Variants in PLCG2 observed in about 807,000 individuals in gnomAD.
PLCG2 encodes the protein phospholipase C gamma 2.
Under a neutral mutation model 175.6 loss-of-function variants are expected in PLCG2, and 69 were observed. That is an observed-to-expected ratio of 0.39 (90% CI 0.32 to 0.48). The LOEUF is 0.48. Ranked by LOEUF, PLCG2 falls within the 20% of genes least tolerant of loss-of-function variation. PLCG2 has a pLI of 0.91. For missense variants in PLCG2, 1,798 were observed against 1,650.9 expected, an observed-to-expected ratio of 1.09 and a Z score of -1.54; for synonymous variants, 827 against 624.0, an observed-to-expected ratio of 1.33 and a Z score of -4.85.
intron 1 of PLCG2, chr16:81,740,692 T>C (rs1909570673): frequency 8.6e-6 from 1 of 116,400 alleles, no homozygotes; most frequent in Non-Finnish European, 1.6e-5. Context: ...GCCAGTGCAC[T>C]CCAGCTTAGG....
chr16:81,834,273 C>T (rs898393288), intron 2 of PLCG2, among the ~76,000 whole-genome samples: 1 of 152,188 alleles, frequency 6.6e-6, no homozygotes, highest in African/African-American at 2.4e-5. Context: ...CTGGTTTGTT[C>T]TCTGTCCCAG....
Position 81,858,332 on chromosome 16 carries a change from C to A in PLCG2, c.407C>A (p.Ala136Glu). ...LKILHQEAMN[A>E]STPTIIESWL... ...ATCTTACACCAGGAAGCGATGAATG[C>A]GTCCACGCCCACCATTATCGAGAGG... Residue 136 changes from alanine (A) to glutamate (E), a missense_variant, in exon 4 of 33, where the codon GCG (alanine) becomes GAG (glutamate). Physicochemically the swap from Ala to Glu is moderately radical, Grantham distance 107 (BLOSUM62 -1). Coordinates refer to ENST00000564138, the MANE Select transcript of PLCG2 (RefSeq NM_002661.5). 3 of 1,613,192 alleles carry A rather than the reference C, an allele frequency of 1.9e-6. No individual in the cohort carries two copies. The highest frequency in any genetic ancestry group is 1.7e-5 in the Admixed American group (1 of 60,026).
intron 1 of PLCG2, among the ~76,000 whole-genome samples, chr16:81,745,083 G>A (rs764992051): frequency 6.6e-6 from 1 of 152,192 alleles, no homozygotes; most frequent in Non-Finnish European, 1.5e-5. Context: ...AGATGATTAA[G>A]TGCTGGTTGT....
chr16:81,784,368 C>T (rs191292581), intron 1 of PLCG2, among the ~76,000 whole-genome samples: 190 of 152,334 alleles, frequency 1.2e-3, no homozygotes, highest in African/African-American at 4.4e-3. Flanking sequence ...TTTTTGTCTT[C>T]CCAGCTGCCC....
At chr16:81,942,087 T>G (rs1023620840) in intron 30 of PLCG2, among the ~76,000 whole-genome samples, 2 of 152,154 alleles carry the variant, frequency 1.3e-5, no homozygotes, top group Non-Finnish European at 1.5e-5. Context: ...TGTAACAGAT[T>G]TCTTTTTATG....
intron 1 of PLCG2, among the ~76,000 whole-genome samples, chr16:81,743,857 T>C (rs912263256): frequency 7.2e-6 from 1 of 138,864 alleles, no homozygotes; most frequent in Non-Finnish European, 1.6e-5. Flanking sequence ...CTCCTTTTTT[T>C]TCTTTTTCTT....
intron 21 of PLCG2, among the ~76,000 whole-genome samples, chr16:81,921,783 G>A (rs1183733082): frequency 6.6e-6 from 1 of 152,186 alleles, no homozygotes; most frequent in Non-Finnish European, 1.5e-5. Context: ...TCTGTTTGGG[G>A]GCCATGTGGC....
chr16:81,891,718 T>C, intron 11 of PLCG2, 128 bp downstream of exon 11: 1 of 606,940 alleles, frequency 1.6e-6, no homozygotes, highest in Non-Finnish European at 3.0e-6. Flanking sequence ...CCGCATTCCT[T>C]GGACTAAAAT....
chr16:81,778,173 C>G (rs1319646184), upstream of PLCG2, among the ~76,000 whole-genome samples: 2 of 151,914 alleles, frequency 1.3e-5, no homozygotes, highest in African/African-American at 4.8e-5. Flanking sequence ...GTCAGGAGTT[C>G]AAGAACAGCC....
chr16:81,765,784 C>G (rs1215453875), intron 2 of PLCG2, among the ~76,000 whole-genome samples: 2 of 152,180 alleles, frequency 1.3e-5, no homozygotes, highest in African/African-American at 2.4e-5. Context: ...TCTGAATGGT[C>G]TGGATGGCTG....
chr16:81,842,852 A>C (rs1200698667), intron 2 of PLCG2: 1 of 151,968 alleles, frequency 6.6e-6, no homozygotes, highest in Admixed American at 6.6e-5. Context: ...AAAAGTCCGC[A>C]AGGCTGTGCC....
chr16:81,812,274 C>T (rs968196610), intron 2 of PLCG2, among the ~76,000 whole-genome samples: 20 of 152,156 alleles, frequency 1.3e-4, no homozygotes, highest in African/African-American at 4.8e-4. Flanking sequence ...TGGTCTTGAT[C>T]TCCTGACCTC....
At position 81,887,524 on chromosome 16, in the gene PLCG2, T is replaced by G. The variant is rs538064964; in HGVS notation, c.766-1648T>G. On this transcript the variant is annotated intron_variant, in intron 9 of 32. Coordinates refer to ENST00000564138, the MANE Select transcript of PLCG2 (RefSeq NM_002661.5). ...GCTTGTAGTTTCCCACCTTCCTAGC[T>G]GTTTTGGGCCCCTGATCCAGGCATA... Among the ~76,000 whole-genome samples, 8 of 152,334 alleles carry G rather than the reference T, an allele frequency of 5.3e-5. 1 individual carries two copies. In the South Asian group the frequency reaches 1.7e-3, roughly 32 times the overall value.
At chr16:81,806,247 T>A (rs1235025499) in intron 2 of PLCG2, among the ~76,000 whole-genome samples, 1 of 152,020 alleles carries the variant, frequency 6.6e-6, no homozygotes, top group Non-Finnish European at 1.5e-5. Flanking sequence ...TCTTTTGTCC[T>A]TTTGCATTAC....
chr16:81,874,593 A>C (rs1907675662), intron 7 of PLCG2, among the ~76,000 whole-genome samples: 1 of 152,042 alleles, frequency 6.6e-6, no homozygotes, highest in African/African-American at 2.4e-5. Context: ...ATTTGGGGGG[A>C]ATGAGGGCCT....
Position 81,786,041 on chromosome 16 carries a change from A to C in PLCG2, c.52A>C (p.Ile18Leu). ...CCTTGCGGAATATGAGAAGAGCCAG[A>C]TCAAGAGAGCCCTGGAGCTGGGGAC... is the stretch of plus-strand genomic sequence containing the variant. ...DSLAEYEKSQIKRALELGTVM... is the reference protein window; with the variant it reads ...DSLAEYEKSQLKRALELGTVM... Residue 18 changes from isoleucine to leucine, a missense_variant, in exon 2 of 33, where the codon ATC becomes CTC. By Grantham distance (5) the Ile-to-Leu change is conservative (BLOSUM62 2). Coordinates refer to ENST00000564138, the MANE Select transcript of PLCG2 (RefSeq NM_002661.5). The C allele has an allele frequency of 6.2e-7, 1 of 1,614,200 alleles. No individual in the cohort carries two copies. The highest frequency in any genetic ancestry group is 1.3e-5 in the African/African-American group (1 of 75,042).
At chr16:81,853,021 A>T (rs1721875955) in intron 2 of PLCG2, among the ~76,000 whole-genome samples, 1 of 152,170 alleles carries the variant, frequency 6.6e-6, no homozygotes, top group Non-Finnish European at 1.5e-5. Context: ...AATGGAAGGT[A>T]CCAGGCCTTC....
At chr16:81,791,287 C>T (rs1309264826) in intron 2 of PLCG2, among the ~76,000 whole-genome samples, 2 of 152,012 alleles carry the variant, frequency 1.3e-5, no homozygotes, top group African/African-American at 2.4e-5. Context: ...GGGGAGGGCT[C>T]ATTGTGGAGG....
chr16:81,827,271 C>T (rs1354306393), intron 2 of PLCG2, among the ~76,000 whole-genome samples: 2 of 151,662 alleles, frequency 1.3e-5, no homozygotes, highest in East Asian at 3.9e-4. Flanking sequence ...ACTGCAGCCT[C>T]AGCTTCCCAG....
Sources: allele counts gnomAD v4.1 joint callset (sites outside exome capture counted in the v4.1 genomes callset), GRCh38; gene constraint gnomAD v4.1.1; transcripts MANE v1.5; gene names NCBI Gene and HGNC (gene_info 2026-07-23, HGNC 2026-07-21).